CCL17: variants seen among roughly 807,000 people sequenced by gnomAD.
CCL17 encodes the protein C-C motif chemokine ligand 17, also known as C-C motif chemokine 17.
A neutral mutation model predicts 7.4 loss-of-function variants in CCL17; 8 were observed. The ratio of observed to expected loss-of-function variants is 1.09; its 90% CI spans 0.64 to 1.96. CCL17 has a LOEUF of 1.96. CCL17 is among the 30% of genes most tolerant of loss of function. The pLI is 0.00. For missense variants in CCL17, 102 were observed against 113.0 expected (o/e 0.90, Z 0.44); for synonymous variants, 40 against 46.1 (o/e 0.87, Z 0.54).
chr16:57,400,441 A>G (rs1463721310), upstream of CCL17, among the ~76,000 whole-genome samples: 3 of 152,070 alleles, frequency 2.0e-5, no homozygotes, highest in South Asian at 2.1e-4. Context: ...GGGGTCTGGT[A>G]TCTGGTACAG....
intron 1 of CCL17, among the ~76,000 whole-genome samples, chr16:57,408,245 C>A (rs1902728979): frequency 6.6e-6 from 1 of 152,000 alleles, no homozygotes; most frequent in South Asian, 2.1e-4. Context: ...TCCATCCGTC[C>A]ATTCTTTCAT....
At chr16:57,399,819 C>T (rs748034234), upstream of CCL17, among the ~76,000 whole-genome samples, 3 of 152,168 alleles carry the variant, frequency 2.0e-5, no homozygotes, top group African/African-American at 4.8e-5. Context: ...TGCATTTTCT[C>T]ATTGTCATCC....
chr16:57,409,984 T>G (rs1353188966), intron 1 of CCL17, among the ~76,000 whole-genome samples: 1 of 152,158 alleles, frequency 6.6e-6, no homozygotes, highest in Non-Finnish European at 1.5e-5. Flanking sequence ...CCGGGAGACC[T>G]CGGGCAAGTC....
chr16:57,402,725 G>A (rs1228323532), upstream of CCL17, among the ~76,000 whole-genome samples: 1 of 152,160 alleles, frequency 6.6e-6, no homozygotes, highest in Non-Finnish European at 1.5e-5. Flanking sequence ...AGGCATCAGA[G>A]AGACATTGAG....
chr16:57,409,496 C>T (rs532286631), intron 1 of CCL17, among the ~76,000 whole-genome samples: 1 of 152,274 alleles, frequency 6.6e-6, no homozygotes, highest in African/African-American at 2.4e-5. Flanking sequence ...GAGAGCCTTG[C>T]TCAGACTTGT....
intron 1 of CCL17, among the ~76,000 whole-genome samples, chr16:57,407,960 A>G (rs1245475720): frequency 6.7e-6 from 1 of 149,952 alleles, no homozygotes; most frequent in African/African-American, 2.5e-5. Flanking sequence ...CCACACATCC[A>G]TCTACCATCC....
At chr16:57,413,838 G>A in intron 1 of CCL17, 36 bp from the exon 2 acceptor site, 1 of 1,092,216 alleles carries the variant, frequency 9.2e-7, no homozygotes, top group Non-Finnish European at 1.3e-6. Context: ...CCCCAAAGAG[G>A]TTAAATAGGT....
chr16:57,403,501 AAT>A (rs1289139406), upstream of CCL17, among the ~76,000 whole-genome samples: 54 of 25,230 alleles, frequency 2.1e-3, 3 homozygotes, highest in Admixed American at 7.8e-3. Flanking sequence ...TATATATTAT[AAT>A]ATATATATTA....
chr16:57,401,419 G>A (rs1191493430), upstream of CCL17, among the ~76,000 whole-genome samples: 1 of 151,900 alleles, frequency 6.6e-6, no homozygotes, highest in African/African-American at 2.4e-5. Context: ...AGCTACTCAG[G>A]AGGCTGAGGT....
intron 1 of CCL17, among the ~76,000 whole-genome samples, chr16:57,410,119 C>G (rs769452816): frequency 6.6e-6 from 1 of 152,208 alleles, no homozygotes; most frequent in South Asian, 2.1e-4. Flanking sequence ...CCGCCCCAGC[C>G]GCTTGGCTGC....
intron 1 of CCL17, among the ~76,000 whole-genome samples, chr16:57,408,413 A>G (rs1346142754): frequency 1.4e-5 from 2 of 140,724 alleles, no homozygotes; most frequent in African/African-American, 3.2e-5. Context: ...CATTCAGTAA[A>G]CATATATATA....
intron 2 of CCL17, 79 bp downstream of exon 2, chr16:57,414,081 C>T: frequency 8.8e-7 from 1 of 1,134,952 alleles, no homozygotes; most frequent in Non-Finnish European, 1.3e-6. Context: ...CACAGCAATA[C>T]ACACGTTTGT....
upstream of CCL17, among the ~76,000 whole-genome samples, chr16:57,402,504 A>T (rs1328711920): frequency 6.6e-6 from 1 of 152,204 alleles, no homozygotes; most frequent in Non-Finnish European, 1.5e-5. Flanking sequence ...GACTAGGAGC[A>T]GAGGACTTCT....
At chr16:57,404,209 C>T (rs886481817), upstream of CCL17, among the ~76,000 whole-genome samples, 3 of 152,070 alleles carry the variant, frequency 2.0e-5, no homozygotes, top group African/African-American at 7.2e-5. Context: ...TTGTCCTCTG[C>T]GTGAGGTGGA....
intron 1 of CCL17, among the ~76,000 whole-genome samples, chr16:57,408,296 G>A (rs561982027): frequency 8.0e-4 from 120 of 149,458 alleles, no homozygotes; most frequent in African/African-American, 2.7e-3. Flanking sequence ...TCACCCACAC[G>A]TCCATCCATC....
intron 1 of CCL17, among the ~76,000 whole-genome samples, chr16:57,405,595 T>C (rs1902682416): frequency 6.6e-6 from 1 of 151,876 alleles, no homozygotes; most frequent in African/African-American, 2.4e-5. Context: ...CACAGGTTAG[T>C]GTGGGGGACA....
the CCL17 span, among the ~76,000 whole-genome samples, chr16:57,397,181 G>A: frequency 5.3e-5 from 8 of 152,296 alleles, no homozygotes; most frequent in South Asian, 2.1e-4. Flanking sequence ...GGGGCCTTAC[G>A]ATGGGCCAAG....
At chr16:57,403,629 TATATATA>T (rs1902650996), upstream of CCL17, among the ~76,000 whole-genome samples, 1 of 67,128 alleles carries the variant, frequency 1.5e-5, no homozygotes, top group African/African-American at 8.9e-5. Context: ...TAATATATAT[TATATATA>T]TTATAAATAT....
Position 57,413,855 on chromosome 16 carries a change from C to T in CCL17, c.-59-19C>T. The T allele has an allele frequency of 1.5e-6, 2 of 1,324,528 alleles. No homozygotes were observed. Among genetic ancestry groups the T allele is most frequent in the Non-Finnish European group, 2.1e-6 (2 of 955,730 alleles). 82.0% of individuals were successfully genotyped at this position (1,324,528 alleles called of 1,614,324 possible). ...CCAAAGAGGTTAAATAGGTCACTGC[C>T]ACCCTCGACTCTCAGCAGGGTGTCT... On this transcript the variant is annotated intron_variant, in intron 1 of 3. Transcript: ENST00000219244.
Sources: allele counts gnomAD v4.1 joint callset (sites outside exome capture counted in the v4.1 genomes callset), GRCh38; gene constraint gnomAD v4.1.1; transcripts MANE v1.5; gene names NCBI Gene and HGNC (gene_info 2026-07-23, HGNC 2026-07-21).